Variants in NTNG1 observed in about 807,000 individuals in gnomAD.
NTNG1 encodes netrin-G1.
Under a neutral mutation model 54.0 loss-of-function variants are expected in NTNG1, and 16 were observed. That is an observed-to-expected ratio of 0.30 (90% confidence interval 0.20 to 0.45). The LOEUF is 0.45. Ranked by LOEUF, NTNG1 falls within the 20% of genes least tolerant of loss-of-function variation. The pLI is 1.00. For missense variants in NTNG1, 530 were observed against 678.7 expected, an observed-to-expected ratio of 0.78 and a Z score of 2.43; for synonymous variants, 255 against 263.1, an observed-to-expected ratio of 0.97 and a Z score of 0.30.
intron 2 of NTNG1, among the ~76,000 whole-genome samples, chr1:107,210,887 A>C (rs1048240439): frequency 3.3e-5 from 5 of 152,086 alleles, no homozygotes; most frequent in African/African-American, 4.8e-5. Flanking sequence ...CGAGTTTATA[A>C]GACGCTCCTG....
intron 3 of NTNG1, among the ~76,000 whole-genome samples, chr1:107,341,427 A>G (rs762056256): frequency 8.5e-5 from 13 of 152,228 alleles, no homozygotes; most frequent in Non-Finnish European, 1.8e-4. Context: ...GATTCCCATG[A>G]AAATTAAAAC....
chr1:107,311,923 G>A (rs1667042799), intron 2 of NTNG1, among the ~76,000 whole-genome samples: 1 of 152,124 alleles, frequency 6.6e-6, no homozygotes, highest in Non-Finnish European at 1.5e-5. Flanking sequence ...TAAAACGTAT[G>A]TTCAGAGACT....
chr1:107,161,729 T>C (rs959862198), intron 2 of NTNG1, among the ~76,000 whole-genome samples: 5 of 151,610 alleles, frequency 3.3e-5, no homozygotes, highest in African/African-American at 1.2e-4. Flanking sequence ...ACAGTGGTAA[T>C]GTTATATTGT....
intron 3 of NTNG1, among the ~76,000 whole-genome samples, chr1:107,330,012 C>G (rs191736509): frequency 2.0e-5 from 3 of 152,020 alleles, no homozygotes; most frequent in Non-Finnish European, 4.4e-5. Context: ...ATTAGTAAAA[C>G]CTTTGATAAA....
chr1:107,380,886 A>G (rs1297595351), intron 3 of NTNG1, among the ~76,000 whole-genome samples: 2 of 152,186 alleles, frequency 1.3e-5, no homozygotes, highest in Admixed American at 6.5e-5. Context: ...GTTAAATATA[A>G]AACAAAAATA....
intron 2 of NTNG1, chr1:107,260,835 C>T (rs77888978): frequency 0.041 from 6,243 of 152,362 alleles, 166 homozygotes; most frequent in Middle Eastern, 0.068. Flanking sequence ...CTTCTGTTGG[C>T]ATTTTCTGCT....
At chr1:107,167,942 C>G (rs928295086) in intron 2 of NTNG1, among the ~76,000 whole-genome samples, 1 of 151,886 alleles carries the variant, frequency 6.6e-6, no homozygotes, top group Non-Finnish European at 1.5e-5. Context: ...AAAGGCTCTG[C>G]AGAAATAATG....
intron 2 of NTNG1, among the ~76,000 whole-genome samples, chr1:107,243,342 A>G (rs991173422): frequency 6.6e-6 from 1 of 152,232 alleles, no homozygotes; most frequent in Non-Finnish European, 1.5e-5. Context: ...AATGAACACG[A>G]ATAGGGACTA....
At chr1:107,304,473 G>A (rs1246158123) in intron 2 of NTNG1, among the ~76,000 whole-genome samples, 1 of 152,130 alleles carries the variant, frequency 6.6e-6, no homozygotes, top group Admixed American at 6.5e-5. Context: ...CTACATGGTA[G>A]ATTCAGGAGA....
At chr1:107,281,400 A>C (rs1291220119) in intron 2 of NTNG1, among the ~76,000 whole-genome samples, 6 of 152,164 alleles carry the variant, frequency 3.9e-5, no homozygotes, top group Non-Finnish European at 5.9e-5. Context: ...TCTAAAAAAA[A>C]AGAAAAATGA....
At chr1:107,385,755 G>A (rs1260971987) in intron 3 of NTNG1, among the ~76,000 whole-genome samples, 1 of 151,976 alleles carries the variant, frequency 6.6e-6, no homozygotes, top group Non-Finnish European at 1.5e-5. Flanking sequence ...CTGCTGCACA[G>A]GGCTACATGA....
At chr1:107,157,329 G>A (rs1438485348) in intron 2 of NTNG1, among the ~76,000 whole-genome samples, 1 of 152,036 alleles carries the variant, frequency 6.6e-6, no homozygotes, top group East Asian at 1.9e-4. Flanking sequence ...CTATTCCTAG[G>A]CATTTCAGTT....
At chr1:107,388,123 G>A (rs1056956468) in intron 3 of NTNG1, among the ~76,000 whole-genome samples, 5 of 152,052 alleles carry the variant, frequency 3.3e-5, no homozygotes, top group Non-Finnish European at 7.4e-5. Context: ...ATCCCTATGC[G>A]ACCTCTCATG....
chr1:107,398,937 G>T (rs1672851417), intron 4 of NTNG1, among the ~76,000 whole-genome samples: 2 of 152,048 alleles, frequency 1.3e-5, no homozygotes, highest in Non-Finnish European at 2.9e-5. Flanking sequence ...TTTAAACTCT[G>T]ATCCCTATGG....
intron 2 of NTNG1, among the ~76,000 whole-genome samples, chr1:107,225,421 A>ATGTAAATAGG (rs1303471187): frequency 1.3e-5 from 2 of 152,152 alleles, no homozygotes; most frequent in Non-Finnish European, 2.9e-5. Flanking sequence ...GTGTGAAAAT[A>ATGTAAATAGG]TGTAAATAGG....
intron 2 of NTNG1, among the ~76,000 whole-genome samples, chr1:107,214,775 C>A (rs371149179): frequency 7.2e-6 from 1 of 139,150 alleles, no homozygotes; most frequent in East Asian, 2.2e-4. Context: ...TCCTTTTCAC[C>A]ACATCCATGC....
chr1:107,451,287 G>T (rs968441672), intron 7 of NTNG1, among the ~76,000 whole-genome samples: 1 of 151,930 alleles, frequency 6.6e-6, no homozygotes, highest in Non-Finnish European at 1.5e-5. Flanking sequence ...CCTGTAAAAA[G>T]ATTTTTTAAA....
At chr1:107,376,313 CAT>C in intron 3 of NTNG1, among the ~76,000 whole-genome samples, 1 of 151,662 alleles carries the variant, frequency 6.6e-6, no homozygotes. Context: ...GAGGCTGAGG[CAT>C]GGGAATGGCG....
At chr1:107,399,854 T>C (rs1672905164) in intron 4 of NTNG1, among the ~76,000 whole-genome samples, 1 of 152,146 alleles carries the variant, frequency 6.6e-6, no homozygotes, top group Non-Finnish European at 1.5e-5. Flanking sequence ...TCCATTTCAA[T>C]GCCTATTTGA....
Sources: gnomAD v4.1 joint callset for allele counts (sites outside exome capture counted in the v4.1 genomes callset) on GRCh38, gnomAD v4.1.1 for gene constraint, MANE v1.5 for transcripts, NCBI Gene and HGNC (gene_info 2026-07-23, HGNC 2026-07-21) for gene names.